The following TGS1 variants were observed in gnomAD, a reference collection of about 807,000 sequenced individuals.
TGS1 encodes the protein trimethylguanosine synthase 1, also known as trimethylguanosine synthase.
In TGS1, 69 loss-of-function variants were observed where a neutral mutation model predicts 92.2. That is an observed-to-expected ratio of 0.75 (90% CI 0.62 to 0.91). The LOEUF (loss-of-function observed/expected upper bound fraction) is 0.91, where lower values mean the gene tolerates loss of function less well. TGS1 is among the 40% of genes least tolerant of loss of function. TGS1 has a pLI of 0.00. For missense variants in TGS1, 1,062 were observed against 1,001.2 expected (o/e 1.06, Z -0.82); for synonymous variants, 345 against 338.1 (o/e 1.02, Z -0.22).
intron 6 of TGS1, among the ~76,000 whole-genome samples, chr8:55,795,168 T>G (rs1431358743): frequency 6.6e-6 from 1 of 152,250 alleles, no homozygotes; most frequent in African/African-American, 2.4e-5. Flanking sequence ...TGAGGAATCC[T>G]TGGGTAGATT....
chr8:55,796,253 G>T (rs1812046582), intron 7 of TGS1, 101 bp downstream of exon 7: 1 of 872,198 alleles, frequency 1.1e-6, no homozygotes, highest in Non-Finnish European at 1.7e-6. Context: ...TTTCTACCAG[G>T]TATCAAGGTA....
In TGS1 at chr8:55,788,581, G is replaced by C. The variant is rs372072361; in HGVS notation, c.1162+1521G>C. Among the ~76,000 whole-genome samples the C allele has an allele frequency of 3.3e-5, 5 of 149,754 alleles. No individual in the cohort carries two copies. In the East Asian group the frequency reaches 9.9e-4, roughly 30 times the overall value. ...AGCAATTCTCCAGCCTCAGCCTCCC[G>C]AGTAGCTGGGACTACAGGTGTGTGC... On this transcript the variant is annotated intron_variant, in intron 4 of 12. Coordinates refer to ENST00000260129, the MANE Select transcript of TGS1 (RefSeq NM_024831.8).
At chr8:55,774,076 C>G (rs1285781768) in intron 1 of TGS1, among the ~76,000 whole-genome samples, 1 of 152,204 alleles carries the variant, frequency 6.6e-6, no homozygotes, top group Non-Finnish European at 1.5e-5. Context: ...AGTTGAGTGA[C>G]TTGCTTTGGT....
Position 55,786,369 on chromosome 8 carries a change from A to G in TGS1, c.471A>G (p.Pro157=), listed in dbSNP as rs1396690314. Residue 157 remains proline (P), a synonymous_variant, in exon 4 of 13, where the codon CCA becomes CCG. Transcript: ENST00000260129. ...ACGACATTTTGGCTTCAGATGATCC[A>G]TCTTCAATTGAACAGTATGAGAACA... ...EEDDILASDD[P]SSIEQYENTR... 6.2e-7 allele frequency: 1 copy of G among 1,613,714 alleles called. No individual in the cohort carries two copies. The highest frequency in any genetic ancestry group is 8.5e-7 in the Non-Finnish European group (1 of 1,179,928).
intron 2 of TGS1, among the ~76,000 whole-genome samples, chr8:55,784,182 C>T (rs775242226): frequency 5.3e-5 from 8 of 152,100 alleles, no homozygotes; most frequent in Non-Finnish European, 1.2e-4. Flanking sequence ...TTTGTTATCT[C>T]ACATTTTAAA....
chr8:55,823,193 G>A (rs759185069), intron 12 of TGS1, among the ~76,000 whole-genome samples: 13 of 152,130 alleles, frequency 8.5e-5, no homozygotes, highest in Non-Finnish European at 1.6e-4. Context: ...AAAGATTTCT[G>A]AGAGGTTGGG....
At chr8:55,798,755 G>C (rs1259197299) in intron 7 of TGS1, among the ~76,000 whole-genome samples, 159 bp from the exon 8 acceptor site, 3 of 152,048 alleles carry the variant, frequency 2.0e-5, no homozygotes, top group Admixed American at 1.3e-4. Flanking sequence ...TTCTGATTAG[G>C]TCAGAATTAC....
Position 55,813,097 on chromosome 8 carries a change from A to G in TGS1, c.2418A>G (p.Pro806=), listed in dbSNP as rs758574668. The change falls in exon 12 of 13, where the codon CCA becomes CCG. Residue 806 remains proline, a synonymous_variant. Coordinates refer to ENST00000260129, the MANE Select transcript of TGS1 (RefSeq NM_024831.8). The part of the protein sequence containing the change: ...KITNNIVYFL[P]RNADIDQVAS... ...CTAATAATATTGTTTATTTTCTTCC[A>G]AGAAATGCTGATATTGACCAGGTAA... The G allele has an allele frequency of 6.2e-7, 1 of 1,610,318 alleles. No individual in the cohort carries two copies. The highest frequency in any genetic ancestry group is 8.5e-7 in the Non-Finnish European group (1 of 1,177,494).
intron 5 of TGS1, among the ~76,000 whole-genome samples, chr8:55,791,494 C>T (rs1160843871): frequency 2.0e-5 from 3 of 152,206 alleles, no homozygotes; most frequent in African/African-American, 7.2e-5. Context: ...CTGAAGCAGT[C>T]CTTTGTTGTA....
chr8:55,821,924 T>C (rs1484825427), intron 12 of TGS1, among the ~76,000 whole-genome samples: 1 of 151,830 alleles, frequency 6.6e-6, no homozygotes, highest in Non-Finnish European at 1.5e-5. Flanking sequence ...TATTTTTTTT[T>C]TCAAGTAAAC....
intron 8 of TGS1, among the ~76,000 whole-genome samples, chr8:55,802,150 TGC>T (rs1563461876): frequency 6.6e-6 from 1 of 152,288 alleles, no homozygotes; most frequent in East Asian, 1.9e-4. Context: ...GCCAAGATCG[TGC>T]CACTGCACTC....
At chr8:55,790,391 A>G in intron 5 of TGS1, 92 bp downstream of exon 5, 2 of 795,156 alleles carry the variant, frequency 2.5e-6, no homozygotes, top group Middle Eastern at 2.3e-4. Context: ...TTATGTTCAC[A>G]ACACCAGTAA....
chr8:55,815,065 A>C (rs1223180115), intron 12 of TGS1, among the ~76,000 whole-genome samples: 1 of 152,186 alleles, frequency 6.6e-6, no homozygotes, highest in Admixed American at 6.5e-5. Context: ...TCCTTATATT[A>C]AATGTAGACA....
intron 10 of TGS1, among the ~76,000 whole-genome samples, chr8:55,805,757 A>C (rs759551122): frequency 6.6e-6 from 1 of 151,856 alleles, no homozygotes; most frequent in African/African-American, 2.4e-5. Flanking sequence ...GGTGGCATGC[A>C]TCTGTAATCC....
chr8:55,798,989 G>A lies in TGS1; in HGVS notation c.1618G>A (p.Val540Met), dbSNP rs775958669. The A allele has an allele frequency of 1.9e-6, 3 of 1,614,060 alleles. No individual in the cohort carries two copies. Among genetic ancestry groups the A allele is most frequent in the East Asian group, 4.5e-5 (2 of 44,878 alleles). Residue 540 changes from valine (V) to methionine (M), a missense_variant, in exon 8 of 13, where the codon GTG becomes ATG. By Grantham distance (21) the Val-to-Met change is conservative. Transcript: ENST00000260129. ...ACAGGAATCATCTTCTCATGACAAT[G>A]TGCACGACGCTTCCACAAGTAGTGA... Reference protein sequence around the residue: ...ASQESSSHDNVHDASTSSDSE... With the variant: ...ASQESSSHDNMHDASTSSDSE...
Position 55,786,223 on chromosome 8 carries a change from A to T in TGS1, c.340-15A>T. ...ATAAAGTGCATTTTATATTCAAGTTATTTATCTGATATAGGTATCTATGAA... is the reference window on the plus strand; with the variant it reads ...ATAAAGTGCATTTTATATTCAAGTTTTTTATCTGATATAGGTATCTATGAA... On this transcript the variant is annotated splice_polypyrimidine_tract_variant and intron_variant, in intron 3 of 12. Coordinates refer to ENST00000260129, the MANE Select transcript of TGS1 (RefSeq NM_024831.8). 1.6e-6 allele frequency: 2 copies of T among 1,216,122 alleles called. No individual in the cohort carries two copies. The highest frequency in any genetic ancestry group is 2.3e-6 in the Non-Finnish European group (2 of 881,712). The allele number at this position is 1,216,122 out of a possible 1,614,324, so 75.3% of individuals were successfully genotyped here. A position where few individuals can be genotyped will look rare whatever the true frequency, so the allele number is the denominator to read the frequency against.
chr8:55,793,023 C>T (rs780157589), intron 6 of TGS1, among the ~76,000 whole-genome samples: 1 of 152,202 alleles, frequency 6.6e-6, no homozygotes, highest in Non-Finnish European at 1.5e-5. Context: ...AAAGCAACTG[C>T]AGCTCACAGA....
In TGS1 at chr8:55,786,694, C is replaced by A. The variant is rs758456928; in HGVS notation, c.796C>A (p.Gln266Lys). The A allele has an allele frequency of 6.2e-7, 1 of 1,614,072 alleles. No individual in the cohort carries two copies. Among genetic ancestry groups the A allele is most frequent in the Non-Finnish European group, 8.5e-7 (1 of 1,180,014 alleles). ...TCAGGGTTGGACTTTTGATGCCTCG[C>A]AAAGCTGTGATACAGATACTTACAC... Reference protein sequence around the residue: ...EAQGWTFDASQSCDTDTYTSK... With the variant: ...EAQGWTFDASKSCDTDTYTSK... The change falls in exon 4 of 13, where the codon CAA becomes AAA. Residue 266 changes from glutamine (Q) to lysine (K), a missense_variant. Physicochemically the swap from Gln to Lys is moderately conservative, Grantham distance 53. Coordinates refer to ENST00000260129, the MANE Select transcript of TGS1 (RefSeq NM_024831.8).
intron 2 of TGS1, among the ~76,000 whole-genome samples, chr8:55,784,784 A>G (rs767100317): frequency 2.8e-4 from 43 of 152,204 alleles, no homozygotes; most frequent in Non-Finnish European, 5.6e-4. Flanking sequence ...TGATTTTTAA[A>G]TTCACTGTCT....
Sources: allele counts gnomAD v4.1 joint callset (sites outside exome capture counted in the v4.1 genomes callset), GRCh38; gene constraint gnomAD v4.1.1; transcripts MANE v1.5; gene names NCBI Gene and HGNC (gene_info 2026-07-23, HGNC 2026-07-21).